The following CLDN2 variants were observed in gnomAD, a reference collection of about 807,000 sequenced individuals.
CLDN2 encodes claudin 2, also known as claudin-2.
A neutral mutation model predicts 8.2 loss-of-function variants in CLDN2; 1 was observed. The observed-to-expected ratio is 0.12, with a 90% CI of 0.04 to 0.58. The LOEUF is 0.58. CLDN2 is among the 20% of genes least tolerant of loss of function. The pLI is 0.90. For missense variants in CLDN2, 108 were observed against 172.9 expected (o/e 0.62, Z 2.11); for synonymous variants, 70 against 70.2 (o/e 1.00, Z 0.01).
intron 1 of CLDN2, among the ~76,000 whole-genome samples, chrX:106,922,760 T>C (rs1471376005): frequency 9.0e-6 from 1 of 111,441 alleles, no homozygotes; most frequent in Non-Finnish European, 1.9e-5. Flanking sequence ...CTTACGGGCT[T>C]GGAGACAGAG....
chrX:106,911,602 C>T (rs184621135), intron 1 of CLDN2, among the ~76,000 whole-genome samples: 8 of 112,280 alleles, frequency 7.1e-5, no homozygotes, highest in African/African-American at 2.6e-4. Context: ...GCCACGCTAA[C>T]ATCTGCGTCC....
At chrX:106,904,270 C>T (rs904334637) in intron 1 of CLDN2, among the ~76,000 whole-genome samples, 1 of 113,107 alleles carries the variant, frequency 8.8e-6, no homozygotes, top group African/African-American at 3.2e-5. Flanking sequence ...TGAGCACAGT[C>T]CTCGGCCTTA....
chrX:106,918,227 G>C (rs753868578), upstream of CLDN2: 3 of 112,058 alleles, frequency 2.7e-5, no homozygotes, highest in Non-Finnish European at 5.6e-5. Context: ...AATTCGGCTG[G>C]GTGAAGCCTG....
At chrX:106,917,347 A>C (rs946708533), upstream of CLDN2, among the ~76,000 whole-genome samples, 1 of 112,253 alleles carries the variant, frequency 8.9e-6, no homozygotes, top group Admixed American at 9.3e-5. Flanking sequence ...GTTATCACAG[A>C]GGCCAAGAGG....
intron 1 of CLDN2, chrX:106,900,537 C>A: frequency 1.6e-6 from 1 of 626,334 alleles, no homozygotes; most frequent in Non-Finnish European, 2.3e-6. Flanking sequence ...GCTAGATGAC[C>A]CAATTTTCAG....
At chrX:106,906,021 G>A (rs183220957) in intron 1 of CLDN2, among the ~76,000 whole-genome samples, 2 of 112,123 alleles carry the variant, frequency 1.8e-5, no homozygotes, top group South Asian at 7.5e-4. Context: ...ACATGAAGCC[G>A]CTGGCTCTTC....
intron 1 of CLDN2, among the ~76,000 whole-genome samples, chrX:106,910,251 G>A (rs1933232225): frequency 8.9e-6 from 1 of 111,763 alleles, no homozygotes. Flanking sequence ...TTCCTGGGAT[G>A]TGGATCCTGA....
chrX:106,923,873 C>A (rs1933429494), intron 1 of CLDN2, among the ~76,000 whole-genome samples: 1 of 111,140 alleles, frequency 9.0e-6, no homozygotes. Flanking sequence ...ATAAGAAGAG[C>A]CATCTAGAAG....
chrX:106,919,078 G>C (rs1199376684), upstream of CLDN2, among the ~76,000 whole-genome samples: 5 of 112,298 alleles, frequency 4.5e-5, no homozygotes, highest in African/African-American at 1.6e-4. Flanking sequence ...TTATATGATA[G>C]AATGCAGTGC....
chrX:106,907,373 T>C (rs762758361), intron 1 of CLDN2, among the ~76,000 whole-genome samples: 1 of 111,899 alleles, frequency 8.9e-6, no homozygotes, highest in African/African-American at 3.2e-5. Flanking sequence ...AAAACTTTAC[T>C]AGGAAAGTTT....
intron 1 of CLDN2, among the ~76,000 whole-genome samples, chrX:106,922,533 C>T (rs1161584956): frequency 2.7e-5 from 3 of 112,470 alleles, no homozygotes; most frequent in African/African-American, 9.7e-5. Context: ...GCAGGAGCTG[C>T]TCCTCTGGGA....
intron 1 of CLDN2, among the ~76,000 whole-genome samples, chrX:106,911,339 G>A (rs766467190): frequency 3.6e-5 from 4 of 111,809 alleles, no homozygotes; most frequent in African/African-American, 6.5e-5. Context: ...TCAGACACCC[G>A]CAATGGCAGC....
chrX:106,904,839 A>G (rs1335019421), intron 1 of CLDN2, among the ~76,000 whole-genome samples: 1 of 112,362 alleles, frequency 8.9e-6, no homozygotes, highest in East Asian at 2.8e-4. Context: ...CTAAAATATT[A>G]CTTAAAGGAT....
intron 1 of CLDN2, among the ~76,000 whole-genome samples, chrX:106,911,942 GACAGAGC>G (rs1357080706): frequency 1.8e-5 from 2 of 111,633 alleles, no homozygotes; most frequent in Non-Finnish European, 3.8e-5. Context: ...GGCCTTCTAA[GACAGAGC>G]ACCCAAGATC....
At chrX:106,906,901 G>T (rs1041926781) in intron 1 of CLDN2, among the ~76,000 whole-genome samples, 1 of 111,592 alleles carries the variant, frequency 9.0e-6, no homozygotes, top group Non-Finnish European at 1.9e-5. Flanking sequence ...CCCCTAACTT[G>T]CTCTTTCTCT....
chrX:106,919,199 C>A (rs1200790091), upstream of CLDN2, among the ~76,000 whole-genome samples: 5 of 111,700 alleles, frequency 4.5e-5, no homozygotes, highest in Non-Finnish European at 9.4e-5. Context: ...TAGTGTGATT[C>A]AATTTTATAA....
At chrX:106,902,203 G>A (rs748316302) in intron 1 of CLDN2, 46 of 1,182,100 alleles carry the variant, frequency 3.9e-5, no homozygotes, top group Non-Finnish European at 4.9e-5. Context: ...AGGGCCTCCA[G>A]AGACAAGTTC....
chrX:106,901,462 C>A (rs769235966), intron 1 of CLDN2: 1 of 1,207,847 alleles, frequency 8.3e-7, no homozygotes, highest in East Asian at 3.0e-5. Flanking sequence ...GAGCTTCATG[C>A]CAGAAGCTTA....
chrX:106,906,048 G>A (rs753887977), intron 1 of CLDN2, among the ~76,000 whole-genome samples: 17 of 111,971 alleles, frequency 1.5e-4, no homozygotes, highest in Non-Finnish European at 2.8e-4. Context: ...GCTTTTCCCC[G>A]GCCTGTAAGA....
Sources: gnomAD v4.1 joint callset for allele counts (sites outside exome capture counted in the v4.1 genomes callset) on GRCh38, gnomAD v4.1.1 for gene constraint, MANE v1.5 for transcripts, NCBI Gene and HGNC (gene_info 2026-07-23, HGNC 2026-07-21) for gene names.